The following PPP1R12B variants were observed in gnomAD, a reference collection of about 807,000 sequenced individuals.
The protein encoded by PPP1R12B is protein phosphatase 1 regulatory subunit 12B.
A neutral mutation model predicts 126.1 loss-of-function variants in PPP1R12B; 76 were observed. The ratio of observed to expected loss-of-function variants is 0.60; its 90% CI spans 0.50 to 0.73. The LOEUF is 0.73. PPP1R12B is among the 30% of genes least tolerant of loss of function. The probability of loss-of-function intolerance (pLI) is 0.00; values close to 1 mark genes in which losing one functional copy is unlikely to be tolerated. For synonymous variants in PPP1R12B, 356 were observed against 434.7 expected, an observed-to-expected ratio of 0.82 and a Z score of 2.25; for missense variants, 1,052 against 1,205.1, an observed-to-expected ratio of 0.87 and a Z score of 1.88.
chr1:202,527,653 ACCTT>A (rs1683486294), intron 18 of PPP1R12B, among the ~76,000 whole-genome samples: 3 of 152,178 alleles, frequency 2.0e-5, no homozygotes, highest in African/African-American at 7.2e-5. Context: ...AAGTCCCGTA[ACCTT>A]TAAAGAAATT....
chr1:202,387,003 C>T (rs1663257007), intron 1 of PPP1R12B, among the ~76,000 whole-genome samples: 1 of 152,096 alleles, frequency 6.6e-6, no homozygotes, highest in Non-Finnish European at 1.5e-5. Flanking sequence ...CATTGCTAGT[C>T]CTAACTTAGT....
intron 1 of PPP1R12B, among the ~76,000 whole-genome samples, chr1:202,396,961 C>T (rs770923595): frequency 8.5e-5 from 13 of 152,146 alleles, no homozygotes; most frequent in South Asian, 2.1e-4. Flanking sequence ...TTTAATCTCA[C>T]GCTATCCAAC....
intron 18 of PPP1R12B, among the ~76,000 whole-genome samples, chr1:202,556,156 G>A (rs1236714384): frequency 6.6e-6 from 1 of 152,124 alleles, no homozygotes; most frequent in Non-Finnish European, 1.5e-5. Flanking sequence ...TATTACAGGC[G>A]TGAACCACTG....
chr1:202,574,510 TAAAC>T (rs903793215), intron 23 of PPP1R12B, among the ~76,000 whole-genome samples: 1 of 151,820 alleles, frequency 6.6e-6, no homozygotes, highest in Admixed American at 6.6e-5. Context: ...CTCAGATAAA[TAAAC>T]AAAGTGAAAG....
At position 202,438,061 on chromosome 1, in the gene PPP1R12B, G is replaced by GT. The variant is rs758220522; in HGVS notation, c.1458+47dup. 7,902 of 1,231,736 alleles carry GT rather than the reference G, an allele frequency of 6.4e-3. 3 individuals are homozygous for GT. The highest frequency in any genetic ancestry group is 8.6e-3 in the Admixed American group (391 of 45,686). The allele number at this position is 1,231,736 out of a possible 1,614,324, so 76.3% of individuals were successfully genotyped here. ...GAGGGTATGGGGGAATTCCAAGGCA[G>GT]TTTTTTTTTTCCATGAAAATTCAAT... is the stretch of plus-strand genomic sequence containing the variant. On this transcript the variant is annotated intron_variant, in intron 10 of 23. Coordinates refer to ENST00000608999, the MANE Select transcript of PPP1R12B (RefSeq NM_002481.4).
At chr1:202,440,831 G>C in intron 11 of PPP1R12B, 43 bp downstream of exon 11, 1 of 1,502,960 alleles carries the variant, frequency 6.7e-7, no homozygotes, top group Non-Finnish European at 9.3e-7. Flanking sequence ...ATCCTCTTAG[G>C]TCTACTGGAC....
chr1:202,378,124 C>G (rs1661558384), intron 1 of PPP1R12B, among the ~76,000 whole-genome samples: 1 of 152,080 alleles, frequency 6.6e-6, no homozygotes, highest in Admixed American at 6.5e-5. Flanking sequence ...AGGCGTGAGC[C>G]ACCGCGCCCA....
intron 18 of PPP1R12B, among the ~76,000 whole-genome samples, chr1:202,522,128 A>G (rs1682851464): frequency 6.6e-6 from 1 of 152,196 alleles, no homozygotes; most frequent in Admixed American, 6.5e-5. Context: ...AAATAAACAC[A>G]TCTTCAGATA....
chr1:202,506,388 G>A (rs1680808322), intron 18 of PPP1R12B, among the ~76,000 whole-genome samples: 1 of 152,154 alleles, frequency 6.6e-6, no homozygotes, highest in Non-Finnish European at 1.5e-5. Context: ...TTAATTTTAG[G>A]TCGTGCTGTT....
intron 8 of PPP1R12B, among the ~76,000 whole-genome samples, chr1:202,433,940 A>G (rs752635267): frequency 3.7e-4 from 57 of 152,208 alleles, no homozygotes; most frequent in Admixed American, 3.9e-4. Flanking sequence ...ATTCACATTC[A>G]TTAAATGTTT....
At chr1:202,553,467 A>G (rs573565792) in intron 18 of PPP1R12B, among the ~76,000 whole-genome samples, 8 of 152,368 alleles carry the variant, frequency 5.3e-5, no homozygotes, top group South Asian at 2.1e-4. Flanking sequence ...AGCATACAGC[A>G]TAATAAATTT....
At chr1:202,510,170 A>G (rs899499078) in intron 18 of PPP1R12B, among the ~76,000 whole-genome samples, 1 of 152,212 alleles carries the variant, frequency 6.6e-6, no homozygotes, top group Non-Finnish European at 1.5e-5. Flanking sequence ...TAGGCAGTTT[A>G]TGTATCATTT....
chr1:202,351,531 G>T (rs996173346), intron 1 of PPP1R12B, among the ~76,000 whole-genome samples: 3 of 152,150 alleles, frequency 2.0e-5, no homozygotes, highest in Admixed American at 1.3e-4. Flanking sequence ...GAGCCACCGC[G>T]CATGGCCGAC....
At chr1:202,424,076 A>G (rs1310038604) in intron 3 of PPP1R12B, among the ~76,000 whole-genome samples, 4 of 152,184 alleles carry the variant, frequency 2.6e-5, no homozygotes, top group Non-Finnish European at 5.9e-5. Context: ...AAATGTACAA[A>G]CAACTTTAAA....
intron 18 of PPP1R12B, among the ~76,000 whole-genome samples, chr1:202,506,282 ATTTTC>A (rs1284914606): frequency 6.6e-6 from 1 of 152,132 alleles, no homozygotes; most frequent in Non-Finnish European, 1.5e-5. Context: ...AGATGCTGTG[ATTTTC>A]TATATATGGG....
chr1:202,567,484 GT>G, intron 21 of PPP1R12B: 2 of 361,294 alleles, frequency 5.5e-6, no homozygotes. Context: ...TTGAAGACCT[GT>G]GGAGAGAGAG....
At chr1:202,434,883 C>A in intron 9 of PPP1R12B, 115 bp downstream of exon 9, 1 of 1,475,608 alleles carries the variant, frequency 6.8e-7, no homozygotes. Context: ...TTTTTCCTGT[C>A]ATAATCTGCT....
intron 18 of PPP1R12B, among the ~76,000 whole-genome samples, chr1:202,524,853 G>A (rs982405910): frequency 1.3e-5 from 2 of 151,914 alleles, no homozygotes; most frequent in African/African-American, 2.4e-5. Context: ...TATTTTTTTC[G>A]TATAATGACT....
chr1:202,531,962 G>T (rs183745044), intron 18 of PPP1R12B, among the ~76,000 whole-genome samples: 2 of 152,290 alleles, frequency 1.3e-5, no homozygotes, highest in Admixed American at 1.3e-4. Context: ...AGTTTATTTA[G>T]AAAGTGAAGG....
Sources: allele counts gnomAD v4.1 joint callset (sites outside exome capture counted in the v4.1 genomes callset), GRCh38; gene constraint gnomAD v4.1.1; transcripts MANE v1.5; gene names NCBI Gene and HGNC (gene_info 2026-07-23, HGNC 2026-07-21).